CYP7B1: variants seen among roughly 807,000 people sequenced by gnomAD.
CYP7B1 encodes the protein cytochrome P450 family 7 subfamily B member 1, also known as cytochrome P450 7B1.
A neutral mutation model predicts 42.7 loss-of-function variants in CYP7B1; 29 were observed. The observed-to-expected ratio is 0.68, with a 90% CI of 0.51 to 0.93. CYP7B1 has a LOEUF of 0.93. CYP7B1 is among the 40% of genes least tolerant of loss of function. The pLI is 0.00. For missense variants in CYP7B1, 655 were observed against 600.5 expected, an observed-to-expected ratio of 1.09 and a Z score of -0.95; for synonymous variants, 235 against 218.2, an observed-to-expected ratio of 1.08 and a Z score of -0.68.
chr8:64,764,810 T>C (rs752549225), intron 1 of CYP7B1, among the ~76,000 whole-genome samples: 5 of 152,132 alleles, frequency 3.3e-5, no homozygotes, highest in Non-Finnish European at 7.4e-5. Context: ...CTAAAAAATC[T>C]AAAAGGATAG....
intron 1 of CYP7B1, among the ~76,000 whole-genome samples, chr8:64,689,051 T>C (rs1437105413): frequency 1.3e-5 from 2 of 152,372 alleles, no homozygotes; most frequent in Non-Finnish European, 2.9e-5. Flanking sequence ...CTGTATGAAA[T>C]AGATGTGTCT....
At chr8:64,764,665 A>G (rs12156417) in intron 1 of CYP7B1, among the ~76,000 whole-genome samples, 40,896 of 152,018 alleles carry the variant, frequency 0.27, 6,778 homozygotes, top group African/African-American at 0.47. Flanking sequence ...TGGCCCAAAT[A>G]CATTCAAACT....
At chr8:64,754,636 G>T (rs147181320) in intron 1 of CYP7B1, among the ~76,000 whole-genome samples, 58 of 152,250 alleles carry the variant, frequency 3.8e-4, no homozygotes, top group African/African-American at 1.3e-3. Context: ...CCTTGAGCAA[G>T]GCTAGGCCAT....
At chr8:64,760,018 A>T (rs1311915502) in intron 1 of CYP7B1, among the ~76,000 whole-genome samples, 1 of 152,130 alleles carries the variant, frequency 6.6e-6, no homozygotes, top group Non-Finnish European at 1.5e-5. Context: ...TGAAGTAATA[A>T]TTCATAATCA....
At chr8:64,678,042 T>C (rs1806478089) in intron 1 of CYP7B1, among the ~76,000 whole-genome samples, 1 of 152,108 alleles carries the variant, frequency 6.6e-6, no homozygotes, top group Non-Finnish European at 1.5e-5. Flanking sequence ...ACTCTTGCCT[T>C]ATACTTAAAT....
At chr8:64,685,232 C>G (rs1324712981) in intron 1 of CYP7B1, among the ~76,000 whole-genome samples, 1 of 150,468 alleles carries the variant, frequency 6.6e-6, no homozygotes, top group Non-Finnish European at 1.5e-5. Flanking sequence ...CAAGGAGCAG[C>G]CGCCTGCCTT....
At chr8:64,766,033 C>T (rs553712104) in intron 1 of CYP7B1, among the ~76,000 whole-genome samples, 3 of 152,130 alleles carry the variant, frequency 2.0e-5, no homozygotes, top group South Asian at 4.2e-4. Flanking sequence ...GAGAGTTTGG[C>T]GATTTCTGGT....
intron 1 of CYP7B1, among the ~76,000 whole-genome samples, chr8:64,719,639 T>C (rs1326465573): frequency 6.6e-6 from 1 of 152,238 alleles, no homozygotes; most frequent in Non-Finnish European, 1.5e-5. Context: ...ACTTCTGTTA[T>C]CAACCATAAG....
chr8:64,781,455 G>A (rs1804422872), intron 1 of CYP7B1, among the ~76,000 whole-genome samples: 1 of 152,106 alleles, frequency 6.6e-6, no homozygotes. Context: ...AGGTATGGCT[G>A]AATTCCTTTC....
chr8:64,607,111 G>A (rs1306568150), intron 4 of CYP7B1, among the ~76,000 whole-genome samples: 1 of 152,064 alleles, frequency 6.6e-6, no homozygotes, highest in Non-Finnish European at 1.5e-5. Context: ...TGCTAGTGCC[G>A]AACAAACAAG....
chr8:64,593,235 GTGTGTGTGTGTGT>G lies in CYP7B1; in HGVS notation c.*3394_*3406del, dbSNP rs1805064430. On this transcript the variant is annotated 3_prime_UTR_variant, in exon 6 of 6. Coordinates refer to ENST00000310193, the MANE Select transcript of CYP7B1 (RefSeq NM_004820.5). ...TGGACTAAAGGCTAGGGCCCAGGGT[GTGTGTGTGTGTGT>G]GTGTGTGTGTGTGTGTGTGTGTGTG... Among the ~76,000 whole-genome samples the G allele has an allele frequency of 2.5e-4, 13 of 51,666 alleles. No homozygotes were observed. Among genetic ancestry groups the G allele is most frequent in the Non-Finnish European group, 3.9e-4 (13 of 33,386 alleles). The allele number at this position is 51,666 out of a possible 152,430, so 33.9% of individuals were successfully genotyped here. A position where few individuals can be genotyped will look rare whatever the true frequency, so the allele number is the denominator to read the frequency against.
intron 1 of CYP7B1, among the ~76,000 whole-genome samples, chr8:64,635,017 A>T (rs1248569149): frequency 2.0e-5 from 3 of 152,194 alleles, no homozygotes; most frequent in African/African-American, 7.2e-5. Context: ...GAAGGTCCTG[A>T]TGGTCTCTTC....
At chr8:64,660,052 T>C (rs1806178741) in intron 1 of CYP7B1, among the ~76,000 whole-genome samples, 1 of 152,208 alleles carries the variant, frequency 6.6e-6, no homozygotes, top group African/African-American at 2.4e-5. Context: ...AGTACTTGTT[T>C]ATGAGCCAGG....
At chr8:64,649,461 G>C (rs1806007002) in intron 1 of CYP7B1, among the ~76,000 whole-genome samples, 1 of 152,132 alleles carries the variant, frequency 6.6e-6, no homozygotes, top group Non-Finnish European at 1.5e-5. Context: ...TTCATCTGCT[G>C]TTGGACATCT....
chr8:64,768,065 C>T (rs111338812), intron 1 of CYP7B1, among the ~76,000 whole-genome samples: 262 of 152,246 alleles, frequency 1.7e-3, no homozygotes, highest in African/African-American at 6.0e-3. Flanking sequence ...TTTCCTAAGT[C>T]GACTAAGAAT....
At chr8:64,779,039 T>C (rs1415837352) in intron 1 of CYP7B1, among the ~76,000 whole-genome samples, 3 of 152,124 alleles carry the variant, frequency 2.0e-5, no homozygotes, top group Non-Finnish European at 1.5e-5. Context: ...AAAGTCCAAA[T>C]GTGTGTAAAT....
chr8:64,729,021 A>G (rs34237366), intron 1 of CYP7B1: 43,854 of 152,056 alleles, frequency 0.29, 7,555 homozygotes, highest in African/African-American at 0.48. Flanking sequence ...TTAGCTGGGC[A>G]TGGTGGTGTA....
Position 64,596,156 on chromosome 8 carries a change from T to C in CYP7B1, c.*486A>G, listed in dbSNP as rs1261667400. On this transcript the variant is annotated 3_prime_UTR_variant, in exon 6 of 6. Coordinates refer to ENST00000310193, the MANE Select transcript of CYP7B1 (RefSeq NM_004820.5). ...GGAAATATAGGTATTATTAATATTA[T>C]ACTTGAAGGGAACATTTTCATCCAG... 4 of 165,270 alleles carry C rather than the reference T, an allele frequency of 2.4e-5. No homozygotes were observed. The highest frequency in any genetic ancestry group is 9.6e-5 in the African/African-American group (4 of 41,632). 10.2% of individuals were successfully genotyped at this position (165,270 alleles called of 1,614,324 possible).
intron 1 of CYP7B1, among the ~76,000 whole-genome samples, chr8:64,770,513 C>T (rs1012275169): frequency 7.9e-5 from 12 of 152,236 alleles, no homozygotes; most frequent in African/African-American, 2.9e-4. Context: ...ACTTTACACA[C>T]TGATTATTTA....
Sources: allele counts gnomAD v4.1 joint callset (sites outside exome capture counted in the v4.1 genomes callset), GRCh38; gene constraint gnomAD v4.1.1; transcripts MANE v1.5; gene names NCBI Gene and HGNC (gene_info 2026-07-23, HGNC 2026-07-21).